The following INCA1 variants were observed in gnomAD, a reference collection of about 807,000 sequenced individuals.
INCA1 encodes inhibitor of CDK, cyclin A1 interacting protein 1.
Under a neutral mutation model 25.7 loss-of-function variants are expected in INCA1, and 28 were observed. That is an observed-to-expected ratio of 1.09 (90% CI 0.81 to 1.49). The LOEUF (loss-of-function observed/expected upper bound fraction) is 1.49, where lower values mean the gene tolerates loss of function less well. INCA1 is among the 40% of genes most tolerant of loss of function. The pLI, the probability that INCA1 is intolerant of heterozygous loss-of-function variation, is 0.00. For missense variants in INCA1, 309 were observed against 290.9 expected, an observed-to-expected ratio of 1.06 and a Z score of -0.45; for synonymous variants, 111 against 103.6, an observed-to-expected ratio of 1.07 and a Z score of -0.43.
chr17:4,995,115 G>C (rs1448152852), intron 1 of INCA1, among the ~76,000 whole-genome samples: 2 of 151,320 alleles, frequency 1.3e-5, no homozygotes, highest in African/African-American at 4.9e-5. Context: ...TGAGGCAGAA[G>C]AATCACTTGA....
Position 4,994,493 on chromosome 17 carries a change from A to G in INCA1, c.-38-18T>C. On this transcript the variant is annotated intron_variant, in intron 1 of 6. Transcript: ENST00000576820. ...TTTTGGTGCTGGGAGGATAATGGAA[A>G]AGAAGTCATTCATTCGGGCTGGATG... The G allele has an allele frequency of 6.3e-7, 1 of 1,592,598 alleles. No homozygotes were observed. The highest frequency in any genetic ancestry group is 8.6e-7 in the Non-Finnish European group (1 of 1,161,224).
At chr17:4,988,275 A>C in exon 7 of INCA1, 1 of 1,032,760 alleles carries the variant, frequency 9.7e-7, no homozygotes, top group Non-Finnish European at 1.4e-6. Context: ...AGTTCAGAGG[A>C]TGGGAAAGGC....
Position 4,989,409 on chromosome 17 carries a change from A to G in INCA1, c.395+19T>C. On this transcript the variant is annotated intron_variant, in intron 5 of 6. Coordinates refer to ENST00000576820, the Ensembl canonical transcript of INCA1. ...AAATCCTGCATGACTCCCAGAACCC[A>G]GATGTCTCCCTTCCTTACTCGTTGA... The G allele has an allele frequency of 6.2e-6, 10 of 1,604,016 alleles. No homozygotes were observed. The highest frequency in any genetic ancestry group is 8.5e-6 in the Non-Finnish European group (10 of 1,173,076).
exon 6 of INCA1, chr17:4,988,806 G>A (rs1456881987): frequency 6.2e-7 from 1 of 1,614,144 alleles, no homozygotes; most frequent in African/African-American, 1.3e-5. Flanking sequence ...TGAGAAAACG[G>A]TCCTCTTCCT....
chr17:4,994,737 C>A (rs540835708), intron 1 of INCA1, among the ~76,000 whole-genome samples: 1 of 143,584 alleles, frequency 7.0e-6, no homozygotes, highest in South Asian at 2.2e-4. Flanking sequence ...TTGCAGTGAG[C>A]CGAGATCGCG....
At chr17:4,991,520 C>G (rs911238763) in intron 2 of INCA1, among the ~76,000 whole-genome samples, 39 of 152,216 alleles carry the variant, frequency 2.6e-4, no homozygotes, top group African/African-American at 9.4e-4. Flanking sequence ...CTGCTCGTCA[C>G]TTCCAAACCC....
At position 4,988,228 on chromosome 17, in the gene INCA1, G is replaced by A. The variant is rs1356227201; in HGVS notation, c.*177C>T. The stretch of plus-strand genomic sequence containing the variant: ...CTTGGGGTGCTCCTGTGAGAGCGGT[G>A]GGTTGAGATGGGAGCCCACGGGGGC... On this transcript the variant is annotated 3_prime_UTR_variant, in exon 7 of 7. Coordinates refer to ENST00000576820, the Ensembl canonical transcript of INCA1. 5.1e-6 allele frequency: 3 copies of A among 583,944 alleles called. No homozygotes were observed. In the African/African-American group the frequency reaches 5.8e-5, roughly 11 times the overall value. The allele number at this position is 583,944 out of a possible 1,614,324, so 36.2% of individuals were successfully genotyped here. A position where few individuals can be genotyped will look rare whatever the true frequency, so the allele number is the denominator to read the frequency against.
At position 4,988,493 on chromosome 17, in the gene INCA1, TG is replaced by T; in HGVS notation, c.622del (p.His208ThrfsTer39). ...GACAGTGCTGAACGAGGCCAGAGAG[TG>T]CAGCTGCCTGGAGGCACAAGCCTCC... On this transcript the variant is annotated frameshift_variant, in exon 7 of 7. Transcript: ENST00000576820. LOFTEE classifies it low-confidence loss of function (END_TRUNC). 1 of 1,613,946 alleles carries T rather than the reference TG, an allele frequency of 6.2e-7. No individual in the cohort carries two copies. Among genetic ancestry groups the T allele is most frequent in the African/African-American group, 1.3e-5 (1 of 74,984 alleles).
intron 4 of INCA1, 119 bp from the exon 5 acceptor site, chr17:4,989,743 T>C: frequency 2.6e-6 from 4 of 1,545,996 alleles, no homozygotes; most frequent in East Asian, 2.2e-5. Context: ...CTCGAAAACA[T>C]GATGACTGAT....
chr17:4,995,970 G>A (rs1311964459), intron 1 of INCA1: 1 of 152,176 alleles, frequency 6.6e-6, no homozygotes, highest in African/African-American at 2.4e-5. Flanking sequence ...AGTTAAGTGT[G>A]GACATAATGG....
intron 1 of INCA1, among the ~76,000 whole-genome samples, chr17:4,995,386 C>A (rs977583837): frequency 3.3e-5 from 5 of 152,090 alleles, no homozygotes; most frequent in Non-Finnish European, 5.9e-5. Flanking sequence ...CAATATGGGA[C>A]AATGAAATTG....
At chr17:4,996,410 G>T (rs1201190801) in intron 1 of INCA1, among the ~76,000 whole-genome samples, 3 of 150,116 alleles carry the variant, frequency 2.0e-5, no homozygotes, top group Non-Finnish European at 4.4e-5. Flanking sequence ...AGCCAGGCGC[G>T]GTGGCTCAAG....
chr17:4,996,524 A>C (rs1239754917), intron 1 of INCA1, among the ~76,000 whole-genome samples: 1 of 151,858 alleles, frequency 6.6e-6, no homozygotes, highest in Non-Finnish European at 1.5e-5. Flanking sequence ...TCTACTAAAA[A>C]TACAAAAATT....
downstream of INCA1, chr17:4,988,144 T>G: frequency 1.6e-5 from 6 of 366,066 alleles, no homozygotes; most frequent in Non-Finnish European, 2.4e-5. Context: ...CTTGCTTGCT[T>G]TTTAATAACA....
intron 1 of INCA1, among the ~76,000 whole-genome samples, chr17:4,996,579 G>A (rs1460482737): frequency 6.7e-6 from 1 of 150,240 alleles, no homozygotes; most frequent in Admixed American, 6.7e-5. Flanking sequence ...CTATTCGGGA[G>A]GCTGAGGCAG....
At chr17:4,994,860 C>T (rs1974128194) in intron 1 of INCA1, among the ~76,000 whole-genome samples, 1 of 146,534 alleles carries the variant, frequency 6.8e-6, no homozygotes, top group African/African-American at 2.5e-5. Flanking sequence ...AGTAGCAGAT[C>T]TAGAGAATGG....
chr17:4,988,587 G>A lies in INCA1; in HGVS notation c.562-33C>T. On this transcript the variant is annotated intron_variant, in intron 6 of 6. Coordinates refer to ENST00000576820, the Ensembl canonical transcript of INCA1. Reference sequence around the variant, plus strand: ...GATGAGAGAAATTGAAAAAGAAAATGGAAAAGTAGGTCTTCTTTCCAGATT... The same window carrying A: ...GATGAGAGAAATTGAAAAAGAAAATAGAAAAGTAGGTCTTCTTTCCAGATT... 4 of 1,607,650 alleles carry A rather than the reference G, an allele frequency of 2.5e-6. No individual in the cohort carries two copies. The South Asian group carries it at 4.5e-5, about 18-fold the overall frequency.
chr17:4,988,883 C>A lies in INCA1; in HGVS notation c.457G>T (p.Glu153Ter). ...TTGGTGCTGGGGAATCCACAGCCCT[C>A]TTCGCCAAGCACCACTGGCTCAGAT... The change falls in exon 6 of 7, where the codon GAG becomes TAG. Residue 153 changes from glutamate to a stop codon, truncating the protein, a stop_gained. Coordinates refer to ENST00000576820, the Ensembl canonical transcript of INCA1. LOFTEE classifies it high-confidence loss of function. The A allele has an allele frequency of 6.2e-7, 1 of 1,614,244 alleles. No homozygotes were observed. The highest frequency in any genetic ancestry group is 8.5e-7 in the Non-Finnish European group (1 of 1,180,040).
chr17:4,991,589 A>T lies in INCA1; in HGVS notation c.45-1324T>A, dbSNP rs556917370. 2.0e-5 allele frequency among the ~76,000 whole-genome samples: 3 copies of T among 152,310 alleles called. No homozygotes were observed. In the East Asian group the frequency reaches 5.8e-4, roughly 29 times the overall value. On this transcript the variant is annotated intron_variant, in intron 2 of 6. Coordinates refer to ENST00000576820, the Ensembl canonical transcript of INCA1. ...TAAGAAATGGAGTATGTTAGGGCTT[A>T]GGCCTGGGGCCCTTTATCTTCTCTG... is the stretch of plus-strand genomic sequence containing the variant.
Sources: gnomAD v4.1 joint callset for allele counts (sites outside exome capture counted in the v4.1 genomes callset) on GRCh38, gnomAD v4.1.1 for gene constraint, MANE v1.5 for transcripts, NCBI Gene and HGNC (gene_info 2026-07-23, HGNC 2026-07-21) for gene names.